Variants in TMC4 observed in about 807,000 individuals in gnomAD.
TMC4 encodes the protein voltage-gated chloride channel TMC4.
A neutral mutation model predicts 82.0 loss-of-function variants in TMC4; 70 were observed. The ratio of observed to expected loss-of-function variants is 0.85; its 90% CI spans 0.70 to 1.04. The LOEUF (loss-of-function observed/expected upper bound fraction) is 1.04. Among genes scored for constraint, TMC4 ranks in the 50% least tolerant of loss-of-function variants. The pLI, the probability that TMC4 is intolerant of heterozygous loss-of-function variation, is 0.00. For missense variants in TMC4, 879 were observed against 899.0 expected (o/e 0.98, Z 0.28); for synonymous variants, 446 against 406.0 (o/e 1.10, Z -1.18).
chr19:54,160,518 C>T lies in TMC4; in HGVS notation c.2001G>A (p.Leu667=), dbSNP rs1350418522. The T allele has an allele frequency of 6.2e-7, 1 of 1,614,134 alleles. No homozygotes were observed. The highest frequency in any genetic ancestry group is 1.1e-5 in the South Asian group (1 of 91,078). Reference sequence around the variant, plus strand: ...AGATGAGGCGTCCGTAGGAGTTAGCCAGAGCCACAGTGTACGCCATCAGGA... The same window carrying T: ...AGATGAGGCGTCCGTAGGAGTTAGCTAGAGCCACAGTGTACGCCATCAGGA... ...SSILMAYTVA[L]ANSYGRLISE... Residue 667 remains leucine, a synonymous_variant, in exon 14 of 15, where the codon CTG becomes CTA. Coordinates refer to ENST00000619895, the MANE Select transcript of TMC4 (RefSeq NM_144686.4).
intron 5 of TMC4, among the ~76,000 whole-genome samples, chr19:54,166,173 G>A (rs2075698358): frequency 2.0e-5 from 3 of 152,044 alleles, no homozygotes; most frequent in Non-Finnish European, 4.4e-5. Flanking sequence ...GAGGTCAGGA[G>A]TTTGAGACCA....
Position 54,173,152 on chromosome 19 carries a change from G to T in TMC4, c.-35C>A. On this transcript the variant is annotated 5_prime_UTR_variant, in exon 1 of 15. Transcript: ENST00000619895. Reference sequence around the variant, plus strand: ...CTGGGCTGTCTCTAGTGGCCACCAGGCAGACACTGCCCCAGGTAAGGGAGG... The same window carrying T: ...CTGGGCTGTCTCTAGTGGCCACCAGTCAGACACTGCCCCAGGTAAGGGAGG... The T allele has an allele frequency of 6.2e-7, 1 of 1,600,798 alleles. No individual in the cohort carries two copies. Among genetic ancestry groups the T allele is most frequent in the South Asian group, 1.1e-5 (1 of 90,554 alleles).
Position 54,165,555 on chromosome 19 carries a change from C to T in TMC4, c.809G>A (p.Gly270Glu), listed in dbSNP as rs1489605136. 6.2e-7 allele frequency: 1 copy of T among 1,607,412 alleles called. No individual in the cohort carries two copies. Among genetic ancestry groups the T allele is most frequent in the Non-Finnish European group, 8.5e-7 (1 of 1,175,812 alleles). ...LLLILHRSVS[G>E]LKQTLLAESE... is the part of the protein sequence containing the mutation. ...CTCCGCCAGCAGTGTCTGCTTCAGCCCAGACACCGAGCTGAGAGGGGAGAC... is the reference window on the plus strand; with the variant it reads ...CTCCGCCAGCAGTGTCTGCTTCAGCTCAGACACCGAGCTGAGAGGGGAGAC... Residue 270 changes from glycine (G) to glutamate (E), a missense_variant, in exon 6 of 15, where the codon GGG becomes GAG. By Grantham distance (98) the Gly-to-Glu change is moderately conservative. Transcript: ENST00000619895.
intron 10 of TMC4, 73 bp downstream of exon 10, chr19:54,162,600 T>A: frequency 8.1e-7 from 1 of 1,241,914 alleles, no homozygotes; most frequent in Non-Finnish European, 1.2e-6. Context: ...AGGTGCGCGG[T>A]GAAAAGAACA....
At position 54,162,119 on chromosome 19, in the gene TMC4, G is replaced by A; in HGVS notation, c.1669C>T (p.Leu557Phe). ...CCCCTTACCTTCTTCAGGTAGAAAAGCAGCAGGAACTTGACCGTGTTAAGC... is the reference window on the plus strand; with the variant it reads ...CCCCTTACCTTCTTCAGGTAGAAAAACAGCAGGAACTTGACCGTGTTAAGC... Reference protein sequence around the residue: ...PLLNTVKFLLLFYLKKLTLFS... With the variant: ...PLLNTVKFLLFFYLKKLTLFS... Residue 557 changes from leucine (L) to phenylalanine (F), a missense_variant, in exon 11 of 15, where the codon CTT becomes TTT. Coordinates refer to ENST00000619895, the MANE Select transcript of TMC4 (RefSeq NM_144686.4). The A allele has an allele frequency of 6.2e-7, 1 of 1,613,102 alleles. No individual in the cohort carries two copies. The highest frequency in any genetic ancestry group is 8.5e-7 in the Non-Finnish European group (1 of 1,179,550).
At chr19:54,163,308 C>CTTTTT (rs35587690) in intron 8 of TMC4, 149 bp from the exon 9 acceptor site, 84 of 593,538 alleles carry the variant, frequency 1.4e-4, no homozygotes, top group African/African-American at 1.2e-3. Flanking sequence ...TTCTTTCTTT[C>CTTTTT]TTTTTTTTTT....
At position 54,164,555 on chromosome 19, in the gene TMC4, G is replaced by A; in HGVS notation, c.992C>T (p.Thr331Met). The A allele has an allele frequency of 6.2e-7, 1 of 1,613,782 alleles. No individual in the cohort carries two copies. The highest frequency in any genetic ancestry group is 2.2e-5 in the East Asian group (1 of 44,868). Residue 331 changes from threonine (T) to methionine (M), a missense_variant, in exon 7 of 15, where the codon ACG becomes ATG. Thr to Met is a moderately conservative substitution (Grantham distance 81). Coordinates refer to ENST00000619895, the MANE Select transcript of TMC4 (RefSeq NM_144686.4). The stretch of plus-strand genomic sequence containing the variant: ...CCAAACCCTGGCTTGCTGGCCCAGC[G>A]TCCGCACCGCAGCCTGGCGCCGCAC... ...TVVRRQAAVRTLGQQARVWLV... is the reference protein window; with the variant it reads ...TVVRRQAAVRMLGQQARVWLV...
chr19:54,164,323 C>A (rs2075646506), intron 7 of TMC4, 111 bp downstream of exon 7: 1 of 1,358,704 alleles, frequency 7.4e-7, no homozygotes, highest in Non-Finnish European at 1.0e-6. Context: ...ATACCCTCTC[C>A]CATACTTCCT....
At chr19:54,168,767 CTTCCTTTCTTTCTTTCTTTTCT>C in intron 3 of TMC4, 87 bp from the exon 4 acceptor site, 1 of 553,794 alleles carries the variant, frequency 1.8e-6, no homozygotes, top group Non-Finnish European at 2.8e-6. Flanking sequence ...CCAGCCGCGC[CTTCCTTTCTTTCTTTCTTTTCT>C]TTTCTTTCTT....
intron 6 of TMC4, among the ~76,000 whole-genome samples, chr19:54,165,051 T>G (rs1055900884): frequency 6.6e-6 from 1 of 150,844 alleles, no homozygotes; most frequent in Admixed American, 6.6e-5. Context: ...CTTCTTGTGC[T>G]TACTTAAAAA....
rs1568743195 is a variant in TMC4 at position 54,168,775 on chromosome 19, CTTTCTTTCTTTTCT to C, written c.443-109_443-96del. 3.1e-4 allele frequency: 128 copies of C among 414,278 alleles called. 22 individuals carry two copies. Among genetic ancestry groups the C allele is most frequent in the East Asian group, 1.1e-3 (26 of 24,410 alleles). The allele number at this position is 414,278 out of a possible 1,614,324, so 25.7% of individuals were successfully genotyped here. On this transcript the variant is annotated intron_variant, in intron 3 of 14. Transcript: ENST00000619895. ...CTGGGGTCCAGCCGCGCCTTCCTTTCTTTCTTTCTTTTCTTTTCTTTCTTTTCTTTTCTTTTCTT... is the reference window on the plus strand; with the variant it reads ...CTGGGGTCCAGCCGCGCCTTCCTTTCTTTCTTTCTTTTCTTTTCTTTTCTT...
chr19:54,164,740 T>G, intron 6 of TMC4, 139 bp from the exon 7 acceptor site: 38 of 1,136,018 alleles, frequency 3.3e-5, no homozygotes, highest in Non-Finnish European at 4.5e-5. Flanking sequence ...ACCTCTGCAG[T>G]CCTGGTTCCA....
intron 3 of TMC4, among the ~76,000 whole-genome samples, chr19:54,169,106 T>G (rs867514411): frequency 3.7e-4 from 52 of 142,214 alleles, no homozygotes; most frequent in African/African-American, 1.3e-3. Flanking sequence ...CGATCTCGGC[T>G]CACTGCAACC....
At position 54,162,257 on chromosome 19, in the gene TMC4, G is replaced by C; in HGVS notation, c.1531C>G (p.Leu511Val). 6.2e-7 allele frequency: 1 copy of C among 1,604,024 alleles called. No individual in the cohort carries two copies. The highest frequency in any genetic ancestry group is 8.5e-7 in the Non-Finnish European group (1 of 1,176,076). Residue 511 changes from leucine to valine, a missense_variant, in exon 11 of 15, where the codon CTG becomes GTG. By Grantham distance (32) the Leu-to-Val change is conservative (BLOSUM62 1). Coordinates refer to ENST00000619895, the MANE Select transcript of TMC4 (RefSeq NM_144686.4). Reference sequence around the variant, plus strand: ...TCTTGGGTCCCCGCCAGACGACCCAGCGCCCCAGGACAGAGGCCACAGAGG... The same window carrying C: ...TCTTGGGTCCCCGCCAGACGACCCACCGCCCCAGGACAGAGGCCACAGAGG... Reference protein sequence around the residue: ...KLLCGLCPGALGRLAGTQEFQ... With the variant: ...KLLCGLCPGAVGRLAGTQEFQ...
In TMC4 at chr19:54,160,347, G is replaced by A. The variant is rs1296989080; in HGVS notation, c.2080C>T (p.Arg694Trp). 6.6e-7 allele frequency: 1 copy of A among 1,525,616 alleles called. No individual in the cohort carries two copies. The highest frequency in any genetic ancestry group is 8.8e-7 in the Non-Finnish European group (1 of 1,136,966). 94.5% of individuals were successfully genotyped at this position (1,525,616 alleles called of 1,614,324 possible). A position where few individuals can be genotyped will look rare whatever the true frequency, so the allele number is the denominator to read the frequency against. The change falls in exon 15 of 15, where the codon CGG becomes TGG. Residue 694 changes from arginine to tryptophan, a missense_variant. Arg to Trp is a moderately radical substitution (Grantham distance 101). Transcript: ENST00000619895. Reference sequence around the variant, plus strand: ...GTGGAGGTCAGCGCCACAGCGCGCCGTGCCAGGAAGACTTTATTCTGCGCC... The same window carrying A: ...GTGGAGGTCAGCGCCACAGCGCGCCATGCCAGGAAGACTTTATTCTGCGCC... ...TEAQNKVFLA[R>W]RAVALTSTKP...
chr19:54,164,372 C>G (rs2075647381), intron 7 of TMC4, 62 bp downstream of exon 7: 2 of 1,545,128 alleles, frequency 1.3e-6, no homozygotes, highest in African/African-American at 2.7e-5. Context: ...CGTCCCCTCC[C>G]TCCACCGTTG....
intron 8 of TMC4, 77 bp from the exon 9 acceptor site, chr19:54,163,236 C>T: frequency 1.3e-6 from 2 of 1,551,696 alleles, no homozygotes; most frequent in Non-Finnish European, 1.8e-6. Context: ...TGGAACGCGC[C>T]CGCATTCAAC....
At chr19:54,168,042 A>G (rs1324357845) in intron 5 of TMC4, 129 bp downstream of exon 5, 2 of 1,164,440 alleles carry the variant, frequency 1.7e-6, no homozygotes, top group Non-Finnish European at 2.4e-6. Context: ...TAGCCTGGGC[A>G]ATAAGAGCAA....
chr19:54,172,014 A>G lies in TMC4; in HGVS notation c.149T>C (p.Val50Ala). 1 of 1,612,816 alleles carries G rather than the reference A, an allele frequency of 6.2e-7. No individual in the cohort carries two copies. Among genetic ancestry groups the G allele is most frequent in the Middle Eastern group, 1.7e-4 (1 of 6,054 alleles). The change falls in exon 2 of 15, where the codon GTG becomes GCG. Residue 50 changes from valine (V) to alanine (A), a missense_variant. Physicochemically the swap from Val to Ala is moderately conservative, Grantham distance 64. Coordinates refer to ENST00000619895, the MANE Select transcript of TMC4 (RefSeq NM_144686.4). Reference sequence around the variant, plus strand: ...CTCCTCCAGCGCCCCCCAAGGCAGCACCCCAGGGTCTCGGTACCGAAGGGT... The same window carrying G: ...CTCCTCCAGCGCCCCCCAAGGCAGCGCCCCAGGGTCTCGGTACCGAAGGGT... ...AATLRYRDPG[V>A]LPWGALEEEE...
Sources: allele counts gnomAD v4.1 joint callset (sites outside exome capture counted in the v4.1 genomes callset), GRCh38; gene constraint gnomAD v4.1.1; transcripts MANE v1.5; gene names NCBI Gene and HGNC (gene_info 2026-07-23, HGNC 2026-07-21).